Variants in NAALADL2 observed in about 807,000 individuals in gnomAD.
The protein encoded by NAALADL2 is N-acetylated alpha-linked acidic dipeptidase like 2, also known as inactive N-acetylated-alpha-linked acidic dipeptidase-like protein 2.
A neutral mutation model predicts 87.2 loss-of-function variants in NAALADL2; 76 were observed. That is an observed-to-expected ratio of 0.87 (90% CI 0.72 to 1.05). The LOEUF (loss-of-function observed/expected upper bound fraction) is 1.05. Among genes scored for constraint, NAALADL2 ranks in the 50% least tolerant of loss-of-function variants. The probability of loss-of-function intolerance (pLI) is 0.00; values close to 1 mark genes in which losing one functional copy is unlikely to be tolerated. For synonymous variants in NAALADL2, 354 were observed against 331.0 expected (o/e 1.07, Z -0.75); for missense variants, 1,089 against 945.8 (o/e 1.15, Z -1.99).
chr3:175,245,878 A>G (rs1747878823), intron 3 of NAALADL2, among the ~76,000 whole-genome samples: 2 of 152,154 alleles, frequency 1.3e-5, no homozygotes, highest in South Asian at 2.1e-4. Flanking sequence ...CAAATATTTT[A>G]AATACCTCTC....
intron 9 of NAALADL2, among the ~76,000 whole-genome samples, chr3:175,508,075 G>A (rs1020512541): frequency 6.6e-6 from 1 of 152,142 alleles, no homozygotes; most frequent in Non-Finnish European, 1.5e-5. Context: ...ACATGACAAA[G>A]GCAGGAGCAA....
chr3:175,471,161 AC>A (rs1415147616), intron 8 of NAALADL2, among the ~76,000 whole-genome samples: 1 of 152,082 alleles, frequency 6.6e-6, no homozygotes, highest in African/African-American at 2.4e-5. Context: ...CTTTGTGTAC[AC>A]TATTACATAG....
chr3:174,955,165 G>A (rs1466415885), intron 1 of NAALADL2, among the ~76,000 whole-genome samples: 1 of 152,026 alleles, frequency 6.6e-6, no homozygotes, highest in Non-Finnish European at 1.5e-5. Flanking sequence ...ATCAGTTACG[G>A]CATCGTCTTC....
intron 9 of NAALADL2, among the ~76,000 whole-genome samples, chr3:175,507,295 A>G (rs184538132): frequency 6.6e-6 from 1 of 152,042 alleles, no homozygotes; most frequent in Admixed American, 6.6e-5. Context: ...CTTTTGTGCA[A>G]AATTTTTGCT....
At chr3:175,515,590 C>T (rs1163149661) in intron 9 of NAALADL2, among the ~76,000 whole-genome samples, 1 of 149,682 alleles carries the variant, frequency 6.7e-6, no homozygotes, top group African/African-American at 2.5e-5. Flanking sequence ...TGGATAAATA[C>T]ACAACTGCCC....
chr3:175,263,010 A>C (rs547935052), intron 4 of NAALADL2, among the ~76,000 whole-genome samples: 89 of 151,572 alleles, frequency 5.9e-4, no homozygotes, highest in Non-Finnish European at 9.5e-4. Context: ...AAAAAAAAAA[A>C]AAACAAAAAA....
At chr3:175,495,092 A>AT (rs59352149) in intron 9 of NAALADL2, among the ~76,000 whole-genome samples, 2,126 of 136,492 alleles carry the variant, frequency 0.016, 24 homozygotes, top group Non-Finnish European at 0.023. Context: ...ATATATATAT[A>AT]TTTTTTTTTA....
intron 9 of NAALADL2, among the ~76,000 whole-genome samples, chr3:175,502,898 A>G (rs77580857): frequency 0.098 from 14,767 of 150,936 alleles, 787 homozygotes; most frequent in African/African-American, 0.14. Context: ...TTGTAAGAAG[A>G]CAGGCTTTTT....
At chr3:175,712,720 C>G (rs1265535007) in intron 11 of NAALADL2, among the ~76,000 whole-genome samples, 1 of 152,044 alleles carries the variant, frequency 6.6e-6, no homozygotes, top group Non-Finnish European at 1.5e-5. Context: ...ATGAATCCAT[C>G]AAGACCTTGA....
In NAALADL2 at chr3:175,189,903, A is replaced by G. The variant is rs1194307870; in HGVS notation, c.546-44028A>G. 4.6e-5 allele frequency among the ~76,000 whole-genome samples: 7 copies of G among 152,308 alleles called. No individual in the cohort carries two copies. In the South Asian group the frequency reaches 1.0e-3, roughly 23 times the overall value. Reference sequence around the variant, plus strand: ...AGAAAAAGACAGTGAAACAAAATAGACAGTCCAGAAATAAACCCAATCATA... The same window carrying G: ...AGAAAAAGACAGTGAAACAAAATAGGCAGTCCAGAAATAAACCCAATCATA... On this transcript the variant is annotated intron_variant, in intron 2 of 13. Coordinates refer to ENST00000454872, the MANE Select transcript of NAALADL2 (RefSeq NM_207015.3).
At chr3:174,707,804 T>A (rs932119429) in intron 2 of NAALADL2, among the ~76,000 whole-genome samples, 3 of 151,376 alleles carry the variant, frequency 2.0e-5, no homozygotes, top group Non-Finnish European at 2.9e-5. Context: ...TAAAAAAAAA[T>A]TTTAAAAAAG....
intron 11 of NAALADL2, among the ~76,000 whole-genome samples, chr3:175,724,511 T>TA (rs1455444303): frequency 6.6e-6 from 1 of 152,140 alleles, no homozygotes; most frequent in Admixed American, 6.5e-5. Flanking sequence ...TTTCTATTTT[T>TA]AAAATGTCAA....
intron 3 of NAALADL2, among the ~76,000 whole-genome samples, chr3:174,853,201 CAAAAAAA>C (rs34303846): frequency 2.6e-3 from 120 of 45,626 alleles, no homozygotes; most frequent in East Asian, 4.2e-3. Context: ...CCGTCTCTAC[CAAAAAAA>C]AAAAAAAAAA....
chr3:174,982,923 G>T (rs1441899091), intron 1 of NAALADL2, among the ~76,000 whole-genome samples: 1 of 152,044 alleles, frequency 6.6e-6, no homozygotes, highest in Admixed American at 6.5e-5. Context: ...TCAGCCTCCT[G>T]AGTAGCTGGG....
At chr3:175,621,786 T>C (rs1188644662) in intron 10 of NAALADL2, among the ~76,000 whole-genome samples, 2 of 151,968 alleles carry the variant, frequency 1.3e-5, no homozygotes, top group East Asian at 1.9e-4. Flanking sequence ...GCAAATACTA[T>C]ACCATTTTAT....
intron 2 of NAALADL2, among the ~76,000 whole-genome samples, chr3:174,556,168 C>A (rs1001904678): frequency 1.1e-4 from 16 of 152,104 alleles, no homozygotes; most frequent in African/African-American, 3.9e-4. Flanking sequence ...GAAAAGGAAT[C>A]TTTGTGTGAA....
chr3:174,503,750 A>C (rs972093820), intron 1 of NAALADL2, among the ~76,000 whole-genome samples: 8 of 152,130 alleles, frequency 5.3e-5, no homozygotes, highest in Non-Finnish European at 1.2e-4. Flanking sequence ...GTTGTCTTCT[A>C]ATATAAGAAG....
intron 3 of NAALADL2, among the ~76,000 whole-genome samples, chr3:174,775,671 A>G (rs1715123284): frequency 6.6e-6 from 1 of 151,866 alleles, no homozygotes; most frequent in Admixed American, 6.6e-5. Context: ...ATCTCCCCAC[A>G]GGGTCCTCCA....
intron 3 of NAALADL2, among the ~76,000 whole-genome samples, chr3:174,813,118 C>T (rs1349019551): frequency 6.6e-6 from 1 of 152,228 alleles, no homozygotes; most frequent in Non-Finnish European, 1.5e-5. Flanking sequence ...CTTCCAGTCC[C>T]GCAAGACCCA....
Sources: allele counts gnomAD v4.1 joint callset (sites outside exome capture counted in the v4.1 genomes callset), GRCh38; gene constraint gnomAD v4.1.1; transcripts MANE v1.5; gene names NCBI Gene and HGNC (gene_info 2026-07-23, HGNC 2026-07-21).